The following AUTS2 variants were observed in gnomAD, a reference collection of about 807,000 sequenced individuals.
AUTS2 encodes the protein autism susceptibility gene 2 protein.
In AUTS2, 17 loss-of-function variants were observed where a neutral mutation model predicts 112.4. The ratio of observed to expected loss-of-function variants is 0.15; its 90% CI spans 0.10 to 0.23. The LOEUF is 0.23. AUTS2 is among the 10% of genes least tolerant of loss of function. AUTS2 has a pLI of 1.00. For missense variants in AUTS2, 1,510 were observed against 1,701.6 expected (o/e 0.89, Z 1.98); for synonymous variants, 751 against 702.7 (o/e 1.07, Z -1.09).
rs530525836 is a variant in AUTS2, at chr7:69,617,417, G to A, written c.309+17455G>A. On this transcript the variant is annotated intron_variant, in intron 1 of 18. Coordinates refer to ENST00000342771, the MANE Select transcript of AUTS2 (RefSeq NM_015570.4). ...AGGGAGCAAGAAATACAGATAACCC[G>A]GAGGAGAGCTTTCAAGGAAAGGGGA... 5.3e-5 allele frequency among the ~76,000 whole-genome samples: 8 copies of A among 152,298 alleles called. No homozygotes were observed. In the East Asian group the frequency reaches 5.8e-4, roughly 11 times the overall value.
intron 4 of AUTS2, among the ~76,000 whole-genome samples, chr7:70,136,866 T>C (rs2129575038): frequency 6.6e-6 from 1 of 152,310 alleles, no homozygotes; most frequent in Non-Finnish European, 1.5e-5. Context: ...CAGACTTCCT[T>C]TGTTTCTATT....
At chr7:70,125,495 C>T (rs560679082) in intron 3 of AUTS2, among the ~76,000 whole-genome samples, 22 of 152,252 alleles carry the variant, frequency 1.4e-4, no homozygotes, top group African/African-American at 4.3e-4. Flanking sequence ...TGGTTTTCCT[C>T]GCCTTGGGTA....
At chr7:70,722,235 A>T (rs891564238) in intron 6 of AUTS2, among the ~76,000 whole-genome samples, 40 of 152,084 alleles carry the variant, frequency 2.6e-4, no homozygotes, top group African/African-American at 9.7e-4. Flanking sequence ...GAATTTCCTC[A>T]TGGTGGGGTT....
At position 69,876,525 on chromosome 7, in the gene AUTS2, TA is replaced by T. The variant is rs1793805252; in HGVS notation, c.310-22760del. Among the ~76,000 whole-genome samples, 23 of 53,046 alleles carry T rather than the reference TA, an allele frequency of 4.3e-4. 3 individuals carry two copies. The South Asian group carries it at 7.2e-3, about 17-fold the overall frequency. The allele number at this position is 53,046 out of a possible 152,430, so 34.8% of individuals were successfully genotyped here. A position where few individuals can be genotyped will look rare whatever the true frequency, so the allele number is the denominator to read the frequency against. On this transcript the variant is annotated intron_variant, in intron 1 of 18. Coordinates refer to ENST00000342771, the MANE Select transcript of AUTS2 (RefSeq NM_015570.4). Reference sequence around the variant, plus strand: ...ATATATATATATATATATATATATATATATATATATATATATATATTTTCAG... The same window carrying T: ...ATATATATATATATATATATATATATTATATATATATATATATATTTTCAG...
intron 6 of AUTS2, among the ~76,000 whole-genome samples, chr7:70,741,394 G>A (rs375687192): frequency 6.6e-6 from 1 of 151,870 alleles, no homozygotes; most frequent in Non-Finnish European, 1.5e-5. Flanking sequence ...CATGCTAAAT[G>A]GTTAAGAAAT....
chr7:70,729,492 C>G (rs1787239806), intron 6 of AUTS2, among the ~76,000 whole-genome samples: 1 of 152,200 alleles, frequency 6.6e-6, no homozygotes, highest in African/African-American at 2.4e-5. Flanking sequence ...ACTTCACATT[C>G]AACCCTCGTT....
Position 70,557,457 on chromosome 7 carries a change from T to C in AUTS2, c.690+121676T>C, listed in dbSNP as rs373659450. ...GAGTCATGTTGATATTCTGGCGGCA[T>C]AGTCAGGCTTGTTATTGAGCACATG... On this transcript the variant is annotated intron_variant, in intron 5 of 18. Coordinates refer to ENST00000342771, the MANE Select transcript of AUTS2 (RefSeq NM_015570.4). Among the ~76,000 whole-genome samples, 7 of 152,232 alleles carry C rather than the reference T, an allele frequency of 4.6e-5. No individual in the cohort carries two copies. The East Asian group carries it at 1.3e-3, about 29-fold the overall frequency.
At chr7:70,764,259 A>T (rs1789762925) in intron 7 of AUTS2, among the ~76,000 whole-genome samples, 1 of 152,030 alleles carries the variant, frequency 6.6e-6, no homozygotes, top group Admixed American at 6.5e-5. Context: ...TGGCCTCCAG[A>T]CCATAAAGTG....
At chr7:69,808,600 C>G (rs1790411620) in intron 1 of AUTS2, among the ~76,000 whole-genome samples, 1 of 152,088 alleles carries the variant, frequency 6.6e-6, no homozygotes, top group Non-Finnish European at 1.5e-5. Flanking sequence ...TGCATTTTAT[C>G]TGGATGGGCC....
At chr7:70,697,723 CTTTAAATGCAGATATA>C (rs758751436) in intron 5 of AUTS2, among the ~76,000 whole-genome samples, 35 of 152,136 alleles carry the variant, frequency 2.3e-4, no homozygotes, top group Non-Finnish European at 1.2e-4. Flanking sequence ...GCCATTATAA[CTTTAAATGCAGATATA>C]TCCTCACGTT....
intron 1 of AUTS2, among the ~76,000 whole-genome samples, chr7:69,680,096 T>G (rs1796725449): frequency 6.6e-6 from 1 of 152,234 alleles, no homozygotes; most frequent in South Asian, 2.1e-4. Context: ...TTGGAAAAAT[T>G]TAATGGCACG....
intron 6 of AUTS2, among the ~76,000 whole-genome samples, chr7:70,761,328 A>T (rs1436364887): frequency 6.6e-6 from 1 of 152,214 alleles, no homozygotes; most frequent in Non-Finnish European, 1.5e-5. Context: ...AAAACAAAAA[A>T]CAGAAAACCC....
At chr7:69,855,248 A>T (rs1407290960) in intron 1 of AUTS2, among the ~76,000 whole-genome samples, 1 of 152,236 alleles carries the variant, frequency 6.6e-6, no homozygotes, top group Non-Finnish European at 1.5e-5. Context: ...CAGAGGTTAT[A>T]GTTCATGGAC....
intron 1 of AUTS2, among the ~76,000 whole-genome samples, chr7:69,841,904 G>A (rs1791997185): frequency 6.6e-6 from 1 of 152,166 alleles, no homozygotes; most frequent in Non-Finnish European, 1.5e-5. Flanking sequence ...TGCTTATTAA[G>A]TATTTCATGA....
intron 4 of AUTS2, among the ~76,000 whole-genome samples, chr7:70,276,150 G>A (rs141567468): frequency 3.3e-5 from 5 of 152,024 alleles, no homozygotes; most frequent in African/African-American, 7.2e-5. Context: ...CATTGAGTAC[G>A]TGCTTTGTGA....
At chr7:70,759,837 G>C (rs977528092) in intron 6 of AUTS2, among the ~76,000 whole-genome samples, 2 of 152,142 alleles carry the variant, frequency 1.3e-5, no homozygotes, top group African/African-American at 4.8e-5. Flanking sequence ...ATGTGTCTCT[G>C]ATGTGCCTCC....
intron 4 of AUTS2, among the ~76,000 whole-genome samples, chr7:70,340,702 C>T (rs1246518309): frequency 6.6e-6 from 1 of 152,176 alleles, no homozygotes; most frequent in Non-Finnish European, 1.5e-5. Context: ...TTCTTGAAAA[C>T]TTTTTATCTT....
chr7:70,430,968 T>C (rs951605381), intron 4 of AUTS2, among the ~76,000 whole-genome samples: 1 of 151,508 alleles, frequency 6.6e-6, no homozygotes, highest in Non-Finnish European at 1.5e-5. Flanking sequence ...CCCAAGTAGC[T>C]GGGACTACAG....
At chr7:69,648,050 G>A (rs1354911293) in intron 1 of AUTS2, among the ~76,000 whole-genome samples, 1 of 152,058 alleles carries the variant, frequency 6.6e-6, no homozygotes, top group Non-Finnish European at 1.5e-5. Context: ...TTCTAAATAA[G>A]GTCACATTGT....
Sources: allele counts gnomAD v4.1 joint callset (sites outside exome capture counted in the v4.1 genomes callset), GRCh38; gene constraint gnomAD v4.1.1; transcripts MANE v1.5; gene names NCBI Gene and HGNC (gene_info 2026-07-23, HGNC 2026-07-21).